CUL5: variants seen among roughly 807,000 people sequenced by gnomAD.
CUL5 encodes cullin-5.
In CUL5, 26 loss-of-function variants were observed where a neutral mutation model predicts 108.8. The observed-to-expected ratio is 0.24, with a 90% confidence interval of 0.18 to 0.33. The LOEUF (loss-of-function observed/expected upper bound fraction) is 0.33, where lower values mean the gene tolerates loss of function less well. Ranked by LOEUF, CUL5 falls within the 10% of genes least tolerant of loss-of-function variation. The pLI is 1.00. For synonymous variants in CUL5, 334 were observed against 298.0 expected (o/e 1.12, Z -1.25); for missense variants, 524 against 909.2 (o/e 0.58, Z 5.45).
At chr11:108,070,639 C>A (rs187926258) in intron 8 of CUL5, among the ~76,000 whole-genome samples, 1 of 151,332 alleles carries the variant, frequency 6.6e-6, no homozygotes, top group African/African-American at 2.4e-5. Context: ...TTTATTACTT[C>A]AATGTTTTCT....
chr11:108,069,473 G>T (rs1178182191), intron 7 of CUL5, among the ~76,000 whole-genome samples: 1 of 152,052 alleles, frequency 6.6e-6, no homozygotes, highest in African/African-American at 2.4e-5. Flanking sequence ...TACTTTACAG[G>T]ATCCCATTTA....
chr11:108,095,747 T>A lies in CUL5; in HGVS notation c.1905+56T>A, dbSNP rs571295200. On this transcript the variant is annotated intron_variant, in intron 16 of 18. Coordinates refer to ENST00000393094, the MANE Select transcript of CUL5 (RefSeq NM_003478.6). ...GTATCCTCTCATGTAGCAGGAAATA[T>A]ATGATTGGCTTGTAATATATTAGTA... 4 of 1,404,836 alleles carry A rather than the reference T, an allele frequency of 2.8e-6. No homozygotes were observed. The Middle Eastern group carries it at 7.3e-4, about 258-fold the overall frequency. The allele number at this position is 1,404,836 out of a possible 1,614,324, so 87.0% of individuals were successfully genotyped here.
At chr11:108,035,168 G>A (rs1402247199) in intron 2 of CUL5, among the ~76,000 whole-genome samples, 1 of 152,044 alleles carries the variant, frequency 6.6e-6, no homozygotes, top group Non-Finnish European at 1.5e-5. Context: ...CTCAAGAAGG[G>A]GTCAAAATCT....
intron 12 of CUL5, 75 bp from the exon 13 acceptor site, chr11:108,089,417 T>C (rs987333362): frequency 1.2e-5 from 13 of 1,096,276 alleles, no homozygotes; most frequent in Non-Finnish European, 1.7e-5. Context: ...TGACAATTGG[T>C]GGATATAGAA....
intron 1 of CUL5, among the ~76,000 whole-genome samples, chr11:108,032,601 C>T (rs11212490): frequency 0.73 from 110,052 of 151,416 alleles, 40,646 homozygotes; most frequent in East Asian, 0.93. Flanking sequence ...CTCTCTCTCT[C>T]TGTTTTTGGC....
intron 8 of CUL5, among the ~76,000 whole-genome samples, chr11:108,071,106 G>T (rs1863809123): frequency 6.6e-6 from 1 of 152,116 alleles, no homozygotes; most frequent in Non-Finnish European, 1.5e-5. Context: ...TATGAATACA[G>T]TTTTATATTC....
intron 1 of CUL5, among the ~76,000 whole-genome samples, chr11:108,022,777 G>T (rs1370534118): frequency 6.6e-6 from 1 of 152,070 alleles, no homozygotes. Flanking sequence ...TCTCTGAGCC[G>T]GTGGTTCAAG....
At chr11:108,066,498 C>CT (rs200531430) in intron 7 of CUL5, among the ~76,000 whole-genome samples, 66 of 149,558 alleles carry the variant, frequency 4.4e-4, no homozygotes, top group African/African-American at 6.8e-4. Flanking sequence ...CACTCTGTTA[C>CT]TTTTTTTTTT....
chr11:108,098,053 G>GT (rs1184650341), intron 17 of CUL5, among the ~76,000 whole-genome samples: 3 of 151,530 alleles, frequency 2.0e-5, no homozygotes, highest in South Asian at 2.1e-4. Flanking sequence ...GTGTTGTTTT[G>GT]TTTCGTTTTT....
chr11:108,059,157 C>T (rs572753400), intron 7 of CUL5, among the ~76,000 whole-genome samples: 4 of 152,218 alleles, frequency 2.6e-5, no homozygotes, highest in Admixed American at 6.5e-5. Context: ...GGACAGTAGG[C>T]GCATGCAACC....
chr11:108,094,842 C>G lies in CUL5; in HGVS notation c.1598C>G (p.Ala533Gly). 6.2e-7 allele frequency: 1 copy of G among 1,606,668 alleles called. No individual in the cohort carries two copies. The highest frequency in any genetic ancestry group is 8.5e-7 in the Non-Finnish European group (1 of 1,176,976). ...TCAGTTAATATAAAAATTCTGAATG[C>G]TGGCGCCTGGTCAAGAAGTTCTGAG... ...ADSVNIKILN[A>G]GAWSRSSEKV... Residue 533 changes from alanine (A) to glycine (G), a missense_variant, in exon 15 of 19, where the codon GCT (alanine) becomes GGT (glycine). By Grantham distance (60) the Ala-to-Gly change is moderately conservative (BLOSUM62 0). Coordinates refer to ENST00000393094, the MANE Select transcript of CUL5 (RefSeq NM_003478.6).
At chr11:108,057,045 A>G (rs2135145295) in intron 7 of CUL5, among the ~76,000 whole-genome samples, 1 of 152,302 alleles carries the variant, frequency 6.6e-6, no homozygotes, top group East Asian at 1.9e-4. Context: ...TTACAGTTTT[A>G]TAAGGTGAAA....
chr11:108,018,029 C>T lies in CUL5; in HGVS notation c.24+8657C>T, dbSNP rs1045192252. On this transcript the variant is annotated intron_variant, in intron 1 of 18. Transcript: ENST00000393094. ...GGCTTTTCTTAAAAGTCTGGTTATT[C>T]CAAATTAAAATTTCAGTCTCATAGC... Among the ~76,000 whole-genome samples, 15 of 152,228 alleles carry T rather than the reference C, an allele frequency of 9.9e-5. 1 individual carries two copies. The highest frequency in any genetic ancestry group is 6.8e-3 in the Middle Eastern group (2 of 294).
intron 7 of CUL5, among the ~76,000 whole-genome samples, chr11:108,062,991 A>G (rs1241580957): frequency 6.6e-6 from 1 of 151,990 alleles, no homozygotes; most frequent in African/African-American, 2.4e-5. Context: ...GATTACAGGC[A>G]TGCACCACCA....
chr11:108,086,598 C>A (rs967242990), intron 11 of CUL5, among the ~76,000 whole-genome samples: 27 of 152,146 alleles, frequency 1.8e-4, no homozygotes, highest in African/African-American at 6.5e-4. Flanking sequence ...AGAAAGACTT[C>A]CCTAGAGCAT....
At chr11:108,087,432 A>G (rs1448822922) in intron 11 of CUL5, among the ~76,000 whole-genome samples, 1 of 152,206 alleles carries the variant, frequency 6.6e-6, no homozygotes, top group Non-Finnish European at 1.5e-5. Flanking sequence ...TTCAATTTAA[A>G]TTTATTTACA....
At chr11:108,063,661 A>AAAAATAAAT (rs1555018732) in intron 7 of CUL5, among the ~76,000 whole-genome samples, 1 of 149,610 alleles carries the variant, frequency 6.7e-6, no homozygotes, top group Admixed American at 6.7e-5. Flanking sequence ...AAATTTAAAA[A>AAAAATAAAT]AAATAAATAA....
At chr11:108,072,552 G>A (rs1863851928) in intron 9 of CUL5, 90 bp downstream of exon 9, 2 of 1,141,918 alleles carry the variant, frequency 1.8e-6, no homozygotes, top group Non-Finnish European at 1.2e-6. Context: ...GTTACCAGAG[G>A]CTGGGGGTTG....
chr11:108,033,731 TA>T, intron 1 of CUL5, 70 bp from the exon 2 acceptor site: 2 of 960,474 alleles, frequency 2.1e-6, no homozygotes, highest in Non-Finnish European at 1.6e-6. Context: ...AGCTGTCTCA[TA>T]AAAATTACAG....
Sources: allele counts gnomAD v4.1 joint callset (sites outside exome capture counted in the v4.1 genomes callset), GRCh38; gene constraint gnomAD v4.1.1; transcripts MANE v1.5; gene names NCBI Gene and HGNC (gene_info 2026-07-23, HGNC 2026-07-21).